The following ANKRD30B variants were observed in gnomAD, a reference collection of about 807,000 sequenced individuals.
The protein encoded by ANKRD30B is ankyrin repeat domain 30B.
A neutral mutation model predicts 202.2 loss-of-function variants in ANKRD30B; 144 were observed. The observed-to-expected ratio is 0.71, with a 90% CI of 0.62 to 0.82. The LOEUF (loss-of-function observed/expected upper bound fraction) is 0.82. Ranked by LOEUF, ANKRD30B falls within the 40% of genes least tolerant of loss-of-function variation. The probability of loss-of-function intolerance (pLI) is 0.00; values close to 1 mark genes in which losing one functional copy is unlikely to be tolerated. For synonymous variants in ANKRD30B, 508 were observed against 561.3 expected, an observed-to-expected ratio of 0.91 and a Z score of 1.34; for missense variants, 1,487 against 1,669.1, an observed-to-expected ratio of 0.89 and a Z score of 1.90.
At chr18:14,767,278 T>C (rs1333722489) in intron 7 of ANKRD30B, among the ~76,000 whole-genome samples, 1 of 152,120 alleles carries the variant, frequency 6.6e-6, no homozygotes, top group African/African-American at 2.4e-5. Context: ...CCATGGGGGG[T>C]ATTTTCTAAG....
In ANKRD30B at chr18:14,752,832, C is replaced by T. The variant is rs753488886; in HGVS notation, c.337-7C>T. 6.2e-7 allele frequency: 1 copy of T among 1,605,434 alleles called. No homozygotes were observed. The highest frequency in any genetic ancestry group is 1.3e-5 in the African/African-American group (1 of 74,508). The stretch of plus-strand genomic sequence containing the variant: ...TTATAATGTACTTCTTGCTTTAATA[C>T]TGACAGGCTCTACAATGCGAGAGGG... On this transcript the variant is annotated splice_region_variant and splice_polypyrimidine_tract_variant and intron_variant, in intron 2 of 43. Coordinates refer to ENST00000690538, the MANE Select transcript of ANKRD30B (RefSeq NM_001367607.2).
chr18:14,859,154 G>A (rs138391402), downstream of ANKRD30B, among the ~76,000 whole-genome samples: 29,829 of 93,752 alleles, frequency 0.32, 6,855 homozygotes, highest in African/African-American at 0.41. Context: ...AGGAAGAGGC[G>A]CTCCTCACCT....
downstream of ANKRD30B, among the ~76,000 whole-genome samples, chr18:14,856,119 G>C (rs1972100971): frequency 1.4e-5 from 2 of 144,964 alleles, no homozygotes; most frequent in African/African-American, 5.1e-5. Flanking sequence ...CCCAGACGGG[G>C]AGACCAGGAA....
chr18:14,837,278 A>G lies in ANKRD30B; in HGVS notation c.2915A>G (p.Gln972Arg), dbSNP rs562955530. 2.1e-4 allele frequency: 326 copies of G among 1,544,796 alleles called. 1 individual carries two copies. The African/African-American group carries it at 3.8e-3, about 18-fold the overall frequency. ...RDIGIIERAPQDQTNKMPTSE... is the reference protein window; with the variant it reads ...RDIGIIERAPRDQTNKMPTSE... ...ATTGGCATTATTGAACGAGCTCCAC[A>G]AGATCAAACAAGTAATGACAATTTT... is the stretch of plus-strand genomic sequence containing the variant. The change falls in exon 35 of 44, where the codon CAA (glutamine) becomes CGA (arginine). Residue 972 changes from glutamine to arginine, a missense_variant. Gln to Arg is a conservative substitution (Grantham distance 43, BLOSUM62 1). Coordinates refer to ENST00000690538, the MANE Select transcript of ANKRD30B (RefSeq NM_001367607.2).
the ANKRD30B span, among the ~76,000 whole-genome samples, chr18:14,865,592 T>A: frequency 6.7e-6 from 1 of 149,786 alleles, no homozygotes; most frequent in Non-Finnish European, 1.5e-5. Context: ...CACCACCCTG[T>A]TTTTCCCCCT....
At chr18:14,794,514 TA>T (rs1225679490) in intron 16 of ANKRD30B, among the ~76,000 whole-genome samples, 3 of 152,226 alleles carry the variant, frequency 2.0e-5, no homozygotes, top group South Asian at 2.1e-4. Context: ...ATCATATTTT[TA>T]CCTAAAACAA....
At chr18:14,938,244 C>T in the ANKRD30B span, among the ~76,000 whole-genome samples, 1 of 152,202 alleles carries the variant, frequency 6.6e-6, no homozygotes, top group Non-Finnish European at 1.5e-5. Flanking sequence ...CTCAGTCACT[C>T]ATTTTGGATT....
At chr18:14,938,194 A>C in the ANKRD30B span, among the ~76,000 whole-genome samples, 32 of 152,326 alleles carry the variant, frequency 2.1e-4, no homozygotes, top group African/African-American at 7.5e-4. Flanking sequence ...ATGTGCCCTC[A>C]GCTCTGGCTG....
chr18:14,784,395 A>T (rs1967944319), intron 13 of ANKRD30B, 31 bp downstream of exon 13: 1 of 1,612,256 alleles, frequency 6.2e-7, no homozygotes, highest in Non-Finnish European at 8.5e-7. Context: ...ATTTTGAATG[A>T]CTTATTAACT....
chr18:14,796,844 T>C (rs1968935011), intron 18 of ANKRD30B, among the ~76,000 whole-genome samples: 2 of 152,016 alleles, frequency 1.3e-5, no homozygotes, highest in Non-Finnish European at 2.9e-5. Flanking sequence ...GGATTTAGGG[T>C]CATTTGATTA....
chr18:14,919,644 G>C, the ANKRD30B span, among the ~76,000 whole-genome samples: 1 of 152,146 alleles, frequency 6.6e-6, no homozygotes, highest in Non-Finnish European at 1.5e-5. Context: ...TGCCATGTCC[G>C]TTGTAAAATC....
Position 14,777,999 on chromosome 18 carries a change from T to G in ANKRD30B, c.1344T>G (p.Ser448Arg), listed in dbSNP as rs1199646261. The change falls in exon 10 of 44, where the codon AGT (serine) becomes AGG (arginine). Residue 448 changes from serine (S) to arginine (R), a missense_variant. Coordinates refer to ENST00000690538, the MANE Select transcript of ANKRD30B (RefSeq NM_001367607.2). ...FNLATKIISK[S>R]AAQNYTCLPD... is the part of the protein sequence containing the mutation. ...ACCTTTAACAGATTATCTCTAAGAG[T>G]GCTGCACAGAATTATACGTGTTTAC... The G allele has an allele frequency of 1.3e-6, 2 of 1,546,316 alleles. No homozygotes were observed. The highest frequency in any genetic ancestry group is 4.0e-5 in the Admixed American group (2 of 50,206).
At chr18:14,869,669 T>C in the ANKRD30B span, among the ~76,000 whole-genome samples, 12 of 151,102 alleles carry the variant, frequency 7.9e-5, no homozygotes, top group Non-Finnish European at 1.5e-4. Context: ...GCTGCTACAT[T>C]GCAGGTATAG....
chr18:14,880,446 T>C, the ANKRD30B span, among the ~76,000 whole-genome samples: 1 of 152,170 alleles, frequency 6.6e-6, no homozygotes, highest in African/African-American at 2.4e-5. Context: ...GGGGATTGCA[T>C]TGAATTTGTA....
chr18:14,825,980 T>A (rs1970641257), intron 32 of ANKRD30B, among the ~76,000 whole-genome samples: 1 of 152,148 alleles, frequency 6.6e-6, no homozygotes, highest in South Asian at 2.1e-4. Context: ...CAAACAGTCA[T>A]GGGACAGACC....
chr18:14,851,813 T>C lies in ANKRD30B; in HGVS notation c.3869T>C (p.Leu1290Pro). 1 of 1,592,142 alleles carries C rather than the reference T, an allele frequency of 6.3e-7. No homozygotes were observed. The highest frequency in any genetic ancestry group is 8.6e-7 in the Non-Finnish European group (1 of 1,168,362). Reference protein sequence around the residue: ...KLKEKQDKEILETEIESHHPR... With the variant: ...KLKEKQDKEIPETEIESHHPR... ...AAGGAAAAACAAGACAAAGAAATAC[T>C]GGAGACAGAAATTGAATCACACCAT... Residue 1290 changes from leucine to proline, a missense_variant, in exon 42 of 44, where the codon CTG becomes CCG. By Grantham distance (98) the Leu-to-Pro change is moderately conservative. Coordinates refer to ENST00000690538, the MANE Select transcript of ANKRD30B (RefSeq NM_001367607.2).
At chr18:14,761,137 A>G (rs114025578) in intron 6 of ANKRD30B, among the ~76,000 whole-genome samples, 9,111 of 152,262 alleles carry the variant, frequency 0.06, 935 homozygotes, top group African/African-American at 0.21. Flanking sequence ...TTGAACATCT[A>G]ATAATGGAGA....
intron 16 of ANKRD30B, among the ~76,000 whole-genome samples, chr18:14,793,501 A>AT (rs1968664495): frequency 6.6e-5 from 10 of 151,664 alleles, no homozygotes; most frequent in Admixed American, 6.6e-4. Context: ...TGGCATTAAC[A>AT]TTTTTTGCAA....
In ANKRD30B at chr18:14,778,945, T is replaced by C. The variant is rs139829362; in HGVS notation, c.1420+870T>C. Among the ~76,000 whole-genome samples, 224 of 152,170 alleles carry C rather than the reference T, an allele frequency of 1.5e-3. 1 individual carries two copies. Among genetic ancestry groups the C allele is most frequent in the African/African-American group, 5.2e-3 (216 of 41,528 alleles). ...AGAGGGGAAAAAAGAGGTAAAGAAA[T>C]GGTAATTACAGATGTCAGATACTAC... On this transcript the variant is annotated intron_variant, in intron 10 of 43. Transcript: ENST00000690538.
Sources: gnomAD v4.1 joint callset for allele counts (sites outside exome capture counted in the v4.1 genomes callset) on GRCh38, gnomAD v4.1.1 for gene constraint, MANE v1.5 for transcripts, NCBI Gene and HGNC (gene_info 2026-07-23, HGNC 2026-07-21) for gene names.